CHIA: variants seen among roughly 807,000 people sequenced by gnomAD.
CHIA encodes chitinase acidic.
A neutral mutation model predicts 53.5 loss-of-function variants in CHIA; 47 were observed. The observed-to-expected ratio is 0.88, with a 90% CI of 0.70 to 1.12. The LOEUF is 1.12. Ranked by LOEUF, CHIA falls within the 50% of genes most tolerant of loss-of-function variation. The pLI is 0.00. For missense variants in CHIA, 652 were observed against 592.2 expected (o/e 1.10, Z -1.05); for synonymous variants, 268 against 222.2 (o/e 1.21, Z -1.83).
At chr1:111,300,618 C>A (rs1314661370) in intron 1 of CHIA, among the ~76,000 whole-genome samples, 1 of 152,108 alleles carries the variant, frequency 6.6e-6, no homozygotes, top group East Asian at 1.9e-4. Flanking sequence ...AGACTTAAAA[C>A]CATAAAAACC....
At chr1:111,297,082 A>G (rs1384172827) in intron 1 of CHIA, among the ~76,000 whole-genome samples, 1 of 152,224 alleles carries the variant, frequency 6.6e-6, no homozygotes, top group Non-Finnish European at 1.5e-5. Context: ...ATGTGAAAAG[A>G]CCAAATCTAC....
rs1162538858 is a variant in CHIA, at chr1:111,314,601, G to T, written c.314+5G>T. The T allele has an allele frequency of 1.2e-6, 2 of 1,610,014 alleles. No homozygotes were observed. Among genetic ancestry groups the T allele is most frequent in the East Asian group, 4.5e-5 (2 of 44,878 alleles). On this transcript the variant is annotated splice_donor_5th_base_variant and intron_variant, in intron 5 of 11. Transcript: ENST00000369740. ...CTGGAACTTCGGGACTGCCCCGTAA[G>T]TCTTCTATGGAGAGCATGTTGTTCG...
At chr1:111,291,717 A>G (rs2101591176) in intron 1 of CHIA, among the ~76,000 whole-genome samples, 1 of 152,162 alleles carries the variant, frequency 6.6e-6, no homozygotes, top group Non-Finnish European at 1.5e-5. Context: ...GCAAAATGCA[A>G]CTGGAATTTC....
Position 111,317,716 on chromosome 1 carries a change from G to T in CHIA, c.516G>T (p.Gln172His). 5 of 1,614,126 alleles carry T rather than the reference G, an allele frequency of 3.1e-6. No individual in the cohort carries two copies. Among genetic ancestry groups the T allele is most frequent in the Non-Finnish European group, 4.2e-6 (5 of 1,180,024 alleles). Residue 172 changes from glutamine to histidine, a missense_variant, in exon 7 of 12, where the codon CAG (glutamine) becomes CAT (histidine). Physicochemically the swap from Gln to His is conservative, Grantham distance 24 (BLOSUM62 0). Transcript: ENST00000369740. Reference protein sequence around the residue: ...MREAFEQEAKQINKPRLMVTA... With the variant: ...MREAFEQEAKHINKPRLMVTA... Reference sequence around the variant, plus strand: ...AAGCTTTTGAGCAGGAGGCCAAGCAGATCAACAAGCCCAGGCTGATGGTCA... The same window carrying T: ...AAGCTTTTGAGCAGGAGGCCAAGCATATCAACAAGCCCAGGCTGATGGTCA...
At chr1:111,294,068 T>C (rs139592139) in intron 1 of CHIA, among the ~76,000 whole-genome samples, 3 of 151,464 alleles carry the variant, frequency 2.0e-5, no homozygotes, top group Non-Finnish European at 2.9e-5. Context: ...GGTGACAGAG[T>C]GAGACCCTGT....
At chr1:111,292,035 T>C (rs1661056326) in intron 1 of CHIA, among the ~76,000 whole-genome samples, 2 of 152,160 alleles carry the variant, frequency 1.3e-5, no homozygotes, top group Non-Finnish European at 2.9e-5. Context: ...TTGTAATAAA[T>C]TTATATTTGA....
chr1:111,294,126 G>T (rs1208762518), intron 1 of CHIA, among the ~76,000 whole-genome samples: 4 of 151,950 alleles, frequency 2.6e-5, no homozygotes, highest in Non-Finnish European at 1.5e-5. Flanking sequence ...ATTTCGATAG[G>T]GATTGCATTG....
intron 11 of CHIA, 145 bp downstream of exon 11, chr1:111,319,613 T>G: frequency 5.2e-6 from 4 of 774,500 alleles, no homozygotes; most frequent in Non-Finnish European, 8.3e-6. Context: ...AGAGACAGGT[T>G]TTACCCTTGA....
chr1:111,317,506 CA>C, intron 6 of CHIA, 174 bp from the exon 7 acceptor site: 2 of 673,066 alleles, frequency 3.0e-6, no homozygotes, highest in Non-Finnish European at 4.8e-6. Context: ...CCAGAAAATT[CA>C]ATAATATTAT....
chr1:111,312,418 G>A (rs745831611), intron 4 of CHIA, 27 bp downstream of exon 4: 11 of 1,571,960 alleles, frequency 7.0e-6, no homozygotes, highest in Middle Eastern at 3.3e-4. Context: ...ATTTAATTTG[G>A]CATCCCCTTT....
intron 11 of CHIA, among the ~76,000 whole-genome samples, 197 bp downstream of exon 11, chr1:111,319,665 C>T (rs544068499): frequency 6.6e-6 from 1 of 152,290 alleles, no homozygotes; most frequent in Admixed American, 6.5e-5. Flanking sequence ...GGAAGCCAGG[C>T]CTAACTGGGT....
intron 4 of CHIA, 105 bp downstream of exon 4, chr1:111,312,496 C>G (rs753128380): frequency 3.5e-5 from 30 of 858,684 alleles, no homozygotes; most frequent in Non-Finnish European, 4.7e-5. Flanking sequence ...AGATGGGGAC[C>G]AAGACTCTGC....
chr1:111,291,532 G>GC (rs2101590616), intron 1 of CHIA, among the ~76,000 whole-genome samples: 1 of 147,786 alleles, frequency 6.8e-6, no homozygotes, highest in African/African-American at 2.5e-5. Flanking sequence ...GCAAGGGGGG[G>GC]AGAGCATTAG....
Position 111,320,563 on chromosome 1 carries a change from A to G in CHIA, c.*97A>G. The stretch of plus-strand genomic sequence containing the variant: ...CTGCAATAAAATCAGCAGTCAAAAC[A>G]TGACTGTCCTTGCTTTTAAGTGATT... On this transcript the variant is annotated 3_prime_UTR_variant, in exon 12 of 12. Transcript: ENST00000369740. 1 of 1,170,454 alleles carries G rather than the reference A, an allele frequency of 8.5e-7. No individual in the cohort carries two copies. Among genetic ancestry groups the G allele is most frequent in the Non-Finnish European group, 1.2e-6 (1 of 800,964 alleles). The allele number at this position is 1,170,454 out of a possible 1,614,324, so 72.5% of individuals were successfully genotyped here.
At chr1:111,306,004 A>G (rs1248245125) in intron 1 of CHIA, among the ~76,000 whole-genome samples, 1 of 152,238 alleles carries the variant, frequency 6.6e-6, no homozygotes, top group Non-Finnish European at 1.5e-5. Flanking sequence ...CAAAATATAT[A>G]AAAGATCTGT....
chr1:111,319,187 A>G lies in CHIA; in HGVS notation c.983A>G (p.Tyr328Cys), dbSNP rs1649435221. 1.2e-6 allele frequency: 2 copies of G among 1,614,214 alleles called. No individual in the cohort carries two copies. The highest frequency in any genetic ancestry group is 1.7e-6 in the Non-Finnish European group (2 of 1,180,044). Residue 328 changes from tyrosine to cysteine, a missense_variant, in exon 10 of 12, where the codon TAT (tyrosine) becomes TGT (cysteine). Coordinates refer to ENST00000369740, the MANE Select transcript of CHIA (RefSeq NM_201653.4). ...GCCCCTCAGGAAGTGCCTTATGCCT[A>G]TCAGGGCAATGTGTGGGTTGGCTAT... ...WDAPQEVPYAYQGNVWVGYDN... is the reference protein window; with the variant it reads ...WDAPQEVPYACQGNVWVGYDN...
At chr1:111,315,080 G>A (rs1649041427) in intron 5 of CHIA, 190 bp from the exon 6 acceptor site, 1 of 564,630 alleles carries the variant, frequency 1.8e-6, no homozygotes, top group Non-Finnish European at 3.1e-6. Flanking sequence ...CAGAATAAAG[G>A]GAATGTTAAG....
In CHIA at chr1:111,318,664, T is replaced by C. The variant is rs534909365; in HGVS notation, c.901T>C (p.Trp301Arg). 6.2e-7 allele frequency: 1 copy of C among 1,613,832 alleles called. No individual in the cohort carries two copies. The highest frequency in any genetic ancestry group is 1.3e-5 in the African/African-American group (1 of 75,072). ...GCCCTATGCCAAGGAGTCTGGGATC[T>C]GGGCTTACTACGAGGTATGTAGATT... The part of the protein sequence containing the change: ...AGPYAKESGI[W>R]AYYEICTFLK... The change falls in exon 9 of 12, where the codon TGG becomes CGG. Residue 301 changes from tryptophan (W) to arginine (R), a missense_variant. Trp to Arg is a moderately radical substitution (Grantham distance 101). Coordinates refer to ENST00000369740, the MANE Select transcript of CHIA (RefSeq NM_201653.4).
At chr1:111,318,413 T>C (rs1002914862) in intron 8 of CHIA, 80 bp from the exon 9 acceptor site, 18 of 1,213,148 alleles carry the variant, frequency 1.5e-5, no homozygotes, top group African/African-American at 3.0e-5. Context: ...GAGTTTTACC[T>C]GTCGGAATAG....
Sources: gnomAD v4.1 joint callset for allele counts (sites outside exome capture counted in the v4.1 genomes callset) on GRCh38, gnomAD v4.1.1 for gene constraint, MANE v1.5 for transcripts, NCBI Gene and HGNC (gene_info 2026-07-23, HGNC 2026-07-21) for gene names.